Variants in UFSP2 observed in about 807,000 individuals in gnomAD.
UFSP2 encodes the protein ufm1-specific protease 2.
In UFSP2, 43 loss-of-function variants were observed where a neutral mutation model predicts 60.2. The ratio of observed to expected loss-of-function variants is 0.71; its 90% CI spans 0.56 to 0.92. UFSP2 has a LOEUF of 0.92. Ranked by LOEUF, UFSP2 falls within the 40% of genes least tolerant of loss-of-function variation. The pLI, the probability that UFSP2 is intolerant of heterozygous loss-of-function variation, is 0.00. For synonymous variants in UFSP2, 183 were observed against 195.1 expected, an observed-to-expected ratio of 0.94 and a Z score of 0.52; for missense variants, 520 against 575.0, an observed-to-expected ratio of 0.90 and a Z score of 0.98.
intron 4 of UFSP2, among the ~76,000 whole-genome samples, chr4:185,417,771 C>T (rs980283263): frequency 2.0e-5 from 3 of 152,110 alleles, no homozygotes; most frequent in African/African-American, 4.8e-5. Flanking sequence ...CAGCCGGGCG[C>T]GGTGGCTCAC....
chr4:185,415,987 G>A (rs2095537987), intron 4 of UFSP2, 120 bp from the exon 5 acceptor site: 3 of 755,874 alleles, frequency 4.0e-6, no homozygotes, highest in Non-Finnish European at 6.0e-6. Context: ...GACTAGCCAA[G>A]TACAGTAGTG....
In UFSP2 at chr4:185,408,078, T is replaced by C; in HGVS notation, c.997-18A>G. The C allele has an allele frequency of 6.2e-7, 1 of 1,611,850 alleles. No homozygotes were observed. Among genetic ancestry groups the C allele is most frequent in the Middle Eastern group, 1.7e-4 (1 of 6,052 alleles). ...ACTAGAGCCTTGATGTATTTAAAAATATAAAACATCCATACACAAGACAGC... is the reference window on the plus strand; with the variant it reads ...ACTAGAGCCTTGATGTATTTAAAAACATAAAACATCCATACACAAGACAGC... On this transcript the variant is annotated intron_variant, in intron 8 of 11. Transcript: ENST00000264689.
Position 185,424,583 on chromosome 4 carries a change from C to T in UFSP2, c.3+1283G>A, listed in dbSNP as rs1037092723. 2.6e-5 allele frequency among the ~76,000 whole-genome samples: 4 copies of T among 152,144 alleles called. 1 individual carries two copies. Among genetic ancestry groups the T allele is most frequent in the Admixed American group, 2.6e-4 (4 of 15,282 alleles). ...AGGACAAATTTAGCTTCATGTTGTC[C>T]ATTTATTCTACCGTTGTTCATCACA... On this transcript the variant is annotated intron_variant, in intron 1 of 11. Coordinates refer to ENST00000264689, the MANE Select transcript of UFSP2 (RefSeq NM_018359.5).
intron 7 of UFSP2, 41 bp from the exon 8 acceptor site, chr4:185,408,476 A>T (rs771645754): frequency 5.7e-6 from 9 of 1,576,104 alleles, no homozygotes; most frequent in Admixed American, 3.4e-5. Flanking sequence ...TTAACTTAGG[A>T]TAGAAGTACA....
At chr4:185,402,025 T>C (rs538175220) in intron 11 of UFSP2, among the ~76,000 whole-genome samples, 1 of 152,292 alleles carries the variant, frequency 6.6e-6, no homozygotes, top group African/African-American at 2.4e-5. Context: ...GACGCACTGA[T>C]CTACCTGCAG....
At chr4:185,411,249 C>T (rs973356411) in intron 7 of UFSP2, among the ~76,000 whole-genome samples, 2 of 151,410 alleles carry the variant, frequency 1.3e-5, no homozygotes, top group South Asian at 2.1e-4. Flanking sequence ...AAAGCTGTTA[C>T]CAAAACTAAA....
chr4:185,404,610 CAG>C (rs1189302295), intron 10 of UFSP2, among the ~76,000 whole-genome samples: 1 of 147,946 alleles, frequency 6.8e-6, no homozygotes, highest in Non-Finnish European at 1.5e-5. Flanking sequence ...TTTTTTGAGA[CAG>C]AGTCTTGCTC....
chr4:185,409,351 T>C (rs1187582109), intron 7 of UFSP2, among the ~76,000 whole-genome samples: 1 of 152,194 alleles, frequency 6.6e-6, no homozygotes, highest in Non-Finnish European at 1.5e-5. Context: ...ATTAAAGAAC[T>C]GGGTTTTTGT....
Position 185,400,383 on chromosome 4 carries a change from C to A in UFSP2, c.*9G>T. The stretch of plus-strand genomic sequence containing the variant: ...ACCACTCTACTGCAGTCTTTGACTC[C>A]AAGATATTTTAAATCATATTTGGTC... On this transcript the variant is annotated 3_prime_UTR_variant, in exon 12 of 12. Coordinates refer to ENST00000264689, the MANE Select transcript of UFSP2 (RefSeq NM_018359.5). The A allele has an allele frequency of 6.2e-7, 1 of 1,604,112 alleles. No homozygotes were observed. The highest frequency in any genetic ancestry group is 8.5e-7 in the Non-Finnish European group (1 of 1,172,870).
intron 8 of UFSP2, 99 bp downstream of exon 8, chr4:185,408,169 CAGA>C: frequency 6.5e-7 from 1 of 1,539,900 alleles, no homozygotes; most frequent in African/African-American, 1.4e-5. Flanking sequence ...TTCTTCAAAA[CAGA>C]AATAAGTCTG....
At chr4:185,408,193 T>C (rs903387646) in intron 8 of UFSP2, 78 bp downstream of exon 8, 2 of 1,550,312 alleles carry the variant, frequency 1.3e-6, no homozygotes, top group Admixed American at 3.5e-5. Flanking sequence ...CACCATGAGG[T>C]AACAAAAATT....
intron 9 of UFSP2, 103 bp downstream of exon 9, chr4:185,407,833 A>G: frequency 1.6e-6 from 2 of 1,231,228 alleles, no homozygotes; most frequent in Non-Finnish European, 2.2e-6. Context: ...AAGGAAAAGG[A>G]ATAAAAAGAA....
chr4:185,404,274 AT>A (rs2095517275), intron 10 of UFSP2, among the ~76,000 whole-genome samples: 1 of 148,300 alleles, frequency 6.7e-6, no homozygotes, highest in Non-Finnish European at 1.5e-5. Context: ...CTCCAGTGAT[AT>A]AGCACTCCAT....
intron 1 of UFSP2, among the ~76,000 whole-genome samples, chr4:185,425,236 T>C (rs1279145251): frequency 1.3e-5 from 2 of 151,794 alleles, no homozygotes; most frequent in Admixed American, 6.6e-5. Context: ...ATCTACAGAG[T>C]TGGGGGTTCC....
intron 5 of UFSP2, 107 bp downstream of exon 5, chr4:185,415,603 T>C (rs941513200): frequency 4.7e-6 from 5 of 1,069,478 alleles, no homozygotes; most frequent in Middle Eastern, 2.1e-4. Context: ...AGGTTAATAA[T>C]AAACAAGGAG....
chr4:185,403,698 CGGCCG>C, intron 10 of UFSP2, 80 bp from the exon 11 acceptor site: 2 of 1,528,616 alleles, frequency 1.3e-6, no homozygotes, highest in Non-Finnish European at 1.8e-6. Flanking sequence ...AGACAGATTA[CGGCCG>C]GGCGTGGTGG....
rs1561110941 is a variant in UFSP2, at chr4:185,408,265, C to G, written c.996+6G>C. ...TGATTATAATTTAAAACGGTATGTTCTGTACCTGCTGAATTTCTCTGTGTG... is the reference window on the plus strand; with the variant it reads ...TGATTATAATTTAAAACGGTATGTTGTGTACCTGCTGAATTTCTCTGTGTG... On this transcript the variant is annotated splice_donor_region_variant and intron_variant, in intron 8 of 11. Transcript: ENST00000264689. 3 of 1,613,526 alleles carry G rather than the reference C, an allele frequency of 1.9e-6. No individual in the cohort carries two copies. In the East Asian group the frequency reaches 6.7e-5, roughly 36 times the overall value.
At chr4:185,425,837 A>G (rs760824606) in intron 1 of UFSP2, 29 bp downstream of exon 1, 2 of 1,600,616 alleles carry the variant, frequency 1.2e-6, no homozygotes, top group South Asian at 2.2e-5. Context: ...GGAAAAACAC[A>G]GGGGTCGGTG....
chr4:185,401,423 T>C (rs1289740127), intron 11 of UFSP2, among the ~76,000 whole-genome samples: 1 of 152,232 alleles, frequency 6.6e-6, no homozygotes, highest in Non-Finnish European at 1.5e-5. Context: ...CTTTTTTTGA[T>C]CCTTTTACAC....
Sources: gnomAD v4.1 joint callset for allele counts (sites outside exome capture counted in the v4.1 genomes callset) on GRCh38, gnomAD v4.1.1 for gene constraint, MANE v1.5 for transcripts, NCBI Gene and HGNC (gene_info 2026-07-23, HGNC 2026-07-21) for gene names.